Variants in LRRC39 observed in about 807,000 individuals in gnomAD.
The protein encoded by LRRC39 is leucine-rich repeat-containing protein 39.
In LRRC39, 35 loss-of-function variants were observed where a neutral mutation model predicts 39.7. That is an observed-to-expected ratio of 0.88 (90% CI 0.67 to 1.17). The LOEUF (loss-of-function observed/expected upper bound fraction) is 1.17. LRRC39 is among the 50% of genes most tolerant of loss of function. LRRC39 has a pLI of 0.00. For missense variants in LRRC39, 357 were observed against 385.8 expected (o/e 0.93, Z 0.62); for synonymous variants, 113 against 134.1 (o/e 0.84, Z 1.09).
chr1:100,150,417 C>T (rs1169309168), intron 9 of LRRC39: 2 of 152,070 alleles, frequency 1.3e-5, no homozygotes, highest in Admixed American at 1.3e-4. Flanking sequence ...TTGTGTCAAG[C>T]AATACTAATT....
chr1:100,150,007 C>T (rs1388671083), intron 9 of LRRC39: 3 of 152,270 alleles, frequency 2.0e-5, no homozygotes, highest in Admixed American at 6.6e-5. Flanking sequence ...GGTTCAAATT[C>T]CAAACCTACC....
In LRRC39 at chr1:100,149,066, T is replaced by G. The variant is rs199589175; in HGVS notation, c.984A>C (p.Pro328=). 149 of 1,601,676 alleles carry G rather than the reference T, an allele frequency of 9.3e-5. No homozygotes were observed. Among genetic ancestry groups the G allele is most frequent in the Non-Finnish European group, 1.1e-4 (135 of 1,175,808 alleles). The change falls in exon 10 of 10, where the codon CCA becomes CCC. Residue 328 remains proline, a synonymous_variant. Coordinates refer to ENST00000370137, the MANE Select transcript of LRRC39 (RefSeq NM_144620.4). ...ATTATCCATCCGTATTTATGGAGAT[T>G]GGTAAAGTAGTTGAACCGTTGACTT... ...DHQVNGSTTL[P]ISINTDG
At chr1:100,179,024 T>C (rs948429523), upstream of LRRC39, among the ~76,000 whole-genome samples, 1 of 152,206 alleles carries the variant, frequency 6.6e-6, no homozygotes, top group African/African-American at 2.4e-5. Flanking sequence ...GCATACTATA[T>C]ACATTGTTCT....
rs1180369766 is a variant in LRRC39, at chr1:100,148,771, T to C, written c.*271A>G. 9.6e-6 allele frequency: 15 copies of C among 1,559,018 alleles called. No homozygotes were observed. The highest frequency in any genetic ancestry group is 1.3e-5 in the South Asian group (1 of 79,780). ...CCTCTGGTGTCTTTGGAAAATGTTT[T>C]GTTAACTGCTTTACCAAATCATTCT... is the stretch of plus-strand genomic sequence containing the variant. On this transcript the variant is annotated 3_prime_UTR_variant, in exon 10 of 10. Coordinates refer to ENST00000370137, the MANE Select transcript of LRRC39 (RefSeq NM_144620.4).
intron 9 of LRRC39, 53 bp from the exon 10 acceptor site, chr1:100,149,150 A>C (rs1657689544): frequency 6.4e-7 from 1 of 1,553,848 alleles, no homozygotes; most frequent in South Asian, 1.2e-5. Flanking sequence ...TGTTTGTATT[A>C]ATTTTGGAAA....
At chr1:100,158,592 G>A (rs755814221) in intron 5 of LRRC39, among the ~76,000 whole-genome samples, 5 of 152,082 alleles carry the variant, frequency 3.3e-5, no homozygotes, top group Middle Eastern at 3.4e-3. Context: ...GCCCGCCACC[G>A]CGCCCAGGTA....
intron 9 of LRRC39, among the ~76,000 whole-genome samples, chr1:100,151,516 A>G (rs1278415706): frequency 6.6e-6 from 1 of 152,088 alleles, no homozygotes; most frequent in African/African-American, 2.4e-5. Context: ...AAACTCTGTC[A>G]TTGTCTTCTC....
Position 100,158,342 on chromosome 1 carries a change from C to A in LRRC39, c.402G>T (p.Leu134=). 6.2e-7 allele frequency: 1 copy of A among 1,613,710 alleles called. No individual in the cohort carries two copies. Among genetic ancestry groups the A allele is most frequent in the Non-Finnish European group, 8.5e-7 (1 of 1,179,684 alleles). ...GIGLLTRLQE[L]ILSYNKIKTV... ...TCTTGATTTTGTTGTAGCTGAGAAT[C>A]AGTTCCTGAAGTCTAGTAAGCAGTC... Residue 134 remains leucine, a synonymous_variant, in exon 6 of 10, where the codon CTG becomes CTT. Coordinates refer to ENST00000370137, the MANE Select transcript of LRRC39 (RefSeq NM_144620.4).
At chr1:100,154,906 G>A (rs1467680059) in intron 8 of LRRC39, 145 bp downstream of exon 8, 1 of 666,154 alleles carries the variant, frequency 1.5e-6, no homozygotes, top group Non-Finnish European at 2.3e-6. Flanking sequence ...TCAAATTATA[G>A]AATGTCAACA....
intron 3 of LRRC39, among the ~76,000 whole-genome samples, chr1:100,160,815 G>A (rs373407407): frequency 3.9e-5 from 6 of 151,980 alleles, no homozygotes; most frequent in Admixed American, 6.5e-5. Flanking sequence ...TAGTAGAAAC[G>A]GGTTTTCACC....
chr1:100,173,763 G>A (rs1299452140), intron 1 of LRRC39, among the ~76,000 whole-genome samples: 1 of 152,142 alleles, frequency 6.6e-6, no homozygotes, highest in African/African-American at 2.4e-5. Context: ...CAAGACTTCT[G>A]ACAAGTCAAT....
At chr1:100,151,399 A>G (rs76512146) in intron 9 of LRRC39, among the ~76,000 whole-genome samples, 1,680 of 152,166 alleles carry the variant, frequency 0.011, 18 homozygotes, top group African/African-American at 0.016. Flanking sequence ...TCTTCCCCCA[A>G]TCTGTCTCCA....
At chr1:100,151,030 G>A (rs953581221) in intron 9 of LRRC39, among the ~76,000 whole-genome samples, 5 of 151,118 alleles carry the variant, frequency 3.3e-5, no homozygotes, top group African/African-American at 7.3e-5. Context: ...AGGAGGCTGA[G>A]GCAGGAGAAT....
intron 9 of LRRC39, among the ~76,000 whole-genome samples, chr1:100,152,028 T>C (rs1323609654): frequency 6.6e-6 from 1 of 152,210 alleles, no homozygotes; most frequent in Non-Finnish European, 1.5e-5. Context: ...TTTTTTTTTC[T>C]ATTTATGGAA....
At chr1:100,152,054 G>T (rs771801632) in intron 9 of LRRC39, among the ~76,000 whole-genome samples, 15 of 152,152 alleles carry the variant, frequency 9.9e-5, no homozygotes, top group Non-Finnish European at 8.8e-5. Flanking sequence ...GGGAAGGTCA[G>T]TTCATGGTCA....
chr1:100,160,654 TCACTC>T, intron 3 of LRRC39, 83 bp from the exon 4 acceptor site: 1 of 1,138,516 alleles, frequency 8.8e-7, no homozygotes, highest in Non-Finnish European at 1.3e-6. Flanking sequence ...AGAGAGAGTT[TCACTC>T]TTTTGCCCAG....
chr1:100,162,732 G>A (rs981168516), intron 3 of LRRC39, among the ~76,000 whole-genome samples: 5 of 152,034 alleles, frequency 3.3e-5, no homozygotes, highest in Non-Finnish European at 7.4e-5. Context: ...AAGAGAGTAA[G>A]TTTAGAATTG....
upstream of LRRC39, among the ~76,000 whole-genome samples, chr1:100,179,004 A>G (rs1660124881): frequency 6.6e-6 from 1 of 152,228 alleles, no homozygotes; most frequent in Admixed American, 6.5e-5. Flanking sequence ...GCACACATAC[A>G]AAAATGGTAG....
Position 100,148,821 on chromosome 1 carries a change from T to G in LRRC39, c.*221A>C. On this transcript the variant is annotated 3_prime_UTR_variant, in exon 10 of 10. Transcript: ENST00000370137. ...TTCATCACCAGAAACAACTGCTTAA[T>G]GGAAAAGAAATTTGAGCATCATCTG... is the stretch of plus-strand genomic sequence containing the variant. The G allele has an allele frequency of 6.9e-7, 1 of 1,451,948 alleles. No individual in the cohort carries two copies. The highest frequency in any genetic ancestry group is 9.1e-7 in the Non-Finnish European group (1 of 1,102,692). The allele number at this position is 1,451,948 out of a possible 1,614,324, so 89.9% of individuals were successfully genotyped here.
Sources: gnomAD v4.1 joint callset for allele counts (sites outside exome capture counted in the v4.1 genomes callset) on GRCh38, gnomAD v4.1.1 for gene constraint, MANE v1.5 for transcripts, NCBI Gene and HGNC (gene_info 2026-07-23, HGNC 2026-07-21) for gene names.